The following SLC5A6 variants were observed in gnomAD, a reference collection of about 807,000 sequenced individuals.
SLC5A6 encodes the protein sodium-dependent multivitamin transporter.
SLC5A6 carries 31 observed loss-of-function variants against 67.9 expected under a neutral mutation model. That is an observed-to-expected ratio of 0.46 (90% CI 0.34 to 0.62). The LOEUF is 0.62. SLC5A6 is among the 20% of genes least tolerant of loss of function. The pLI, the probability that SLC5A6 is intolerant of heterozygous loss-of-function variation, is 0.01. For missense variants in SLC5A6, 673 were observed against 812.8 expected (o/e 0.83, Z 2.09); for synonymous variants, 343 against 331.0 (o/e 1.04, Z -0.39).
chr2:27,206,467 CTG>C lies in SLC5A6; in HGVS notation c.511+14_511+15del. On this transcript the variant is annotated intron_variant, in intron 5 of 16. Coordinates refer to ENST00000310574, the MANE Select transcript of SLC5A6 (RefSeq NM_021095.4). ...ACCTACCACGGCTGAAAGCCAGGGG[CTG>C]TGTGACTCCTCACCTGCATTGAGAG... 2 of 1,613,332 alleles carry C rather than the reference CTG, an allele frequency of 1.2e-6. No homozygotes were observed. Among genetic ancestry groups the C allele is most frequent in the Admixed American group, 3.3e-5 (2 of 60,034 alleles).
intron 6 of SLC5A6, among the ~76,000 whole-genome samples, chr2:27,205,740 C>T (rs1432709125): frequency 6.6e-6 from 1 of 152,160 alleles, no homozygotes; most frequent in Non-Finnish European, 1.5e-5. Flanking sequence ...TATTCTCTCC[C>T]TTGGACACTC....
upstream of SLC5A6, chr2:27,212,745 C>G: frequency 1.1e-6 from 1 of 951,374 alleles, no homozygotes; most frequent in Non-Finnish European, 1.4e-6. Flanking sequence ...TCCTCTGCCT[C>G]TTGTGTAATC....
In SLC5A6 at chr2:27,207,163, A is replaced by G; in HGVS notation, c.393+95T>C. On this transcript the variant is annotated intron_variant, in intron 3 of 16. Transcript: ENST00000310574. The surrounding 1 kb of genome is among the most constrained non-coding windows in gnomAD (Gnocchi z 5.5). Reference sequence around the variant, plus strand: ...GTTTTCTGTCCCTCTCATTAGGTGGAGGAGGTCTAGGGTCCCAGGTCCTTC... The same window carrying G: ...GTTTTCTGTCCCTCTCATTAGGTGGGGGAGGTCTAGGGTCCCAGGTCCTTC... 7.6e-7 allele frequency: 1 copy of G among 1,312,758 alleles called. No individual in the cohort carries two copies. Among genetic ancestry groups the G allele is most frequent in the Non-Finnish European group, 1.1e-6 (1 of 929,398 alleles). The allele number at this position is 1,312,758 out of a possible 1,614,324, so 81.3% of individuals were successfully genotyped here.
chr2:27,207,865 T>C lies in SLC5A6; in HGVS notation c.-140-75A>G. The C allele has an allele frequency of 1.7e-6, 1 of 582,806 alleles. No individual in the cohort carries two copies. Among genetic ancestry groups the C allele is most frequent in the South Asian group, 2.2e-5 (1 of 45,640 alleles). The allele number at this position is 582,806 out of a possible 1,614,324, so 36.1% of individuals were successfully genotyped here. A position where few individuals can be genotyped will look rare whatever the true frequency, so the allele number is the denominator to read the frequency against. On this transcript the variant is annotated intron_variant, in intron 2 of 16. Coordinates refer to ENST00000310574, the MANE Select transcript of SLC5A6 (RefSeq NM_021095.4). This position sits in a 1 kb window ranked among gnomAD's most constrained non-coding sequence, Gnocchi z 5.5. ...TCACCCTTGGGCCTTGTACATCGCATGCCATCAGAAGTGGACCAGCCAGCA... is the reference window on the plus strand; with the variant it reads ...TCACCCTTGGGCCTTGTACATCGCACGCCATCAGAAGTGGACCAGCCAGCA...
At position 27,200,348 on chromosome 2, in the gene SLC5A6, A is replaced by G. The variant is rs1673522689; in HGVS notation, c.*88T>C. 3.0e-6 allele frequency: 4 copies of G among 1,350,012 alleles called. No individual in the cohort carries two copies. The highest frequency in any genetic ancestry group is 1.9e-4 in the Middle Eastern group (1 of 5,136). The allele number at this position is 1,350,012 out of a possible 1,614,324, so 83.6% of individuals were successfully genotyped here. A position where few individuals can be genotyped will look rare whatever the true frequency, so the allele number is the denominator to read the frequency against. ...AGATCATCCAGGCCTGTCCCTGCAG[A>G]ACACACCAAGACTCATCCCTGTACT... On this transcript the variant is annotated 3_prime_UTR_variant, in exon 17 of 17. Coordinates refer to ENST00000310574, the MANE Select transcript of SLC5A6 (RefSeq NM_021095.4).
Position 27,203,297 on chromosome 2 carries a change from G to A in SLC5A6, c.1143C>T (p.Asp381=). The A allele has an allele frequency of 1.2e-6, 2 of 1,614,102 alleles. No individual in the cohort carries two copies. Among genetic ancestry groups the A allele is most frequent in the South Asian group, 2.2e-5 (2 of 91,060 alleles). Residue 381 remains aspartate (D), a synonymous_variant, in exon 11 of 17, where the codon GAC becomes GAT. Transcript: ENST00000310574. ...FNSLATVTME[D]LIRPWFPEFS... ...ACTCAGGGAACCAAGGTCGAATCAGGTCTTCCATCGTAACAGTTGCCAATG... is the reference window on the plus strand; with the variant it reads ...ACTCAGGGAACCAAGGTCGAATCAGATCTTCCATCGTAACAGTTGCCAATG...
chr2:27,206,198 T>G (rs1445534497), intron 5 of SLC5A6, 105 bp from the exon 6 acceptor site: 1 of 969,010 alleles, frequency 1.0e-6, no homozygotes, highest in African/African-American at 1.6e-5. Flanking sequence ...CATTGGTCAT[T>G]AACAATGAAA....
intron 11 of SLC5A6, 33 bp downstream of exon 11, chr2:27,203,200 C>G (rs1572386539): frequency 1.9e-6 from 3 of 1,612,908 alleles, no homozygotes; most frequent in Non-Finnish European, 2.5e-6. Context: ...TTAGAAAGAC[C>G]CAGACTGAAG....
chr2:27,210,232 C>T (rs1251375058), intron 2 of SLC5A6, among the ~76,000 whole-genome samples: 2 of 152,148 alleles, frequency 1.3e-5, no homozygotes, highest in Non-Finnish European at 2.9e-5. Flanking sequence ...CCTGAGAGAG[C>T]CCCAGGGAAG....
chr2:27,207,505 C>A lies in SLC5A6; in HGVS notation c.146G>T (p.Arg49Leu). 2.5e-6 allele frequency: 4 copies of A among 1,614,176 alleles called. No individual in the cohort carries two copies. The highest frequency in any genetic ancestry group is 3.4e-6 in the Non-Finnish European group (4 of 1,180,046). Residue 49 changes from arginine to leucine, a missense_variant, in exon 3 of 17, where the codon CGT becomes CTT. Coordinates refer to ENST00000310574, the MANE Select transcript of SLC5A6 (RefSeq NM_021095.4). This position sits in a 1 kb window ranked among gnomAD's most constrained non-coding sequence, Gnocchi z 5.5. Reference protein sequence around the residue: ...SLAIGLYHACRGWGRHTVGEL... With the variant: ...SLAIGLYHACLGWGRHTVGEL... Reference sequence around the variant, plus strand: ...ACCAACAGTATGCCGGCCCCAGCCACGACAAGCATGGTAGAGCCCAATGGC... The same window carrying A: ...ACCAACAGTATGCCGGCCCCAGCCAAGACAAGCATGGTAGAGCCCAATGGC...
upstream of SLC5A6, chr2:27,212,671 G>A: frequency 1.5e-6 from 2 of 1,376,210 alleles, no homozygotes; most frequent in South Asian, 3.4e-5. Context: ...GACTTTCAAA[G>A]ACCTGTGAAA....
chr2:27,211,319 G>A (rs906554857), intron 2 of SLC5A6, 148 bp downstream of exon 2: 1 of 152,224 alleles, frequency 6.6e-6, no homozygotes, highest in Admixed American at 6.5e-5. Context: ...GGGAAGCCTG[G>A]CTCGGCTACT....
chr2:27,200,273 C>T lies in SLC5A6; in HGVS notation c.*163G>A, dbSNP rs140531837. 1 of 578,018 alleles carries T rather than the reference C, an allele frequency of 1.7e-6. No homozygotes were observed. Among genetic ancestry groups the T allele is most frequent in the Non-Finnish European group, 2.8e-6 (1 of 355,104 alleles). 35.8% of individuals were successfully genotyped at this position (578,018 alleles called of 1,614,324 possible). A position where few individuals can be genotyped will look rare whatever the true frequency, so the allele number is the denominator to read the frequency against. On this transcript the variant is annotated 3_prime_UTR_variant, in exon 17 of 17. Coordinates refer to ENST00000310574, the MANE Select transcript of SLC5A6 (RefSeq NM_021095.4). ...GCCTCACATGCTTGAGATGTGACAGCTTCTCCTGCAGGCAAGAACCTCTCA... is the reference window on the plus strand; with the variant it reads ...GCCTCACATGCTTGAGATGTGACAGTTTCTCCTGCAGGCAAGAACCTCTCA...
At chr2:27,206,972 C>T in intron 3 of SLC5A6, 30 bp from the exon 4 acceptor site, 1 of 1,559,450 alleles carries the variant, frequency 6.4e-7, no homozygotes, top group Non-Finnish European at 8.8e-7. Context: ...GATTTTTCTC[C>T]TGACTTCACC....
Position 27,205,370 on chromosome 2 carries a change from G to A in SLC5A6, c.714C>T (p.His238=), listed in dbSNP as rs116531030. Residue 238 remains histidine, a synonymous_variant, in exon 7 of 17, where the codon CAC becomes CAT. Coordinates refer to ENST00000310574, the MANE Select transcript of SLC5A6 (RefSeq NM_021095.4). ...CTTACTCAAACCCAGAGATGCGGCC[G>A]TGCTGGGAAGCCACGGCCCACACAC... is the stretch of plus-strand genomic sequence containing the variant. The part of the protein sequence containing the change: ...LGRVWAVASQ[H]GRISGFELDP... 2.4e-3 allele frequency: 3,819 copies of A among 1,614,072 alleles called. 84 individuals carry two copies. In the African/African-American group the frequency reaches 0.043, roughly 18 times the overall value.
chr2:27,201,347 T>C lies in SLC5A6; in HGVS notation c.1648+3A>G. 1 of 1,590,260 alleles carries C rather than the reference T, an allele frequency of 6.3e-7. No individual in the cohort carries two copies. The highest frequency in any genetic ancestry group is 8.6e-7 in the Non-Finnish European group (1 of 1,158,328). On this transcript the variant is annotated splice_donor_region_variant and intron_variant, in intron 15 of 16. Transcript: ENST00000310574. The stretch of plus-strand genomic sequence containing the variant: ...CATCTGCACCGCAATCCCACACCCT[T>C]ACCAGTGAGTAGACTGACAATCAGG...
At position 27,200,181 on chromosome 2, in the gene SLC5A6, G is replaced by A; in HGVS notation, c.*255C>T. 1 of 372,138 alleles carries A rather than the reference G, an allele frequency of 2.7e-6. No individual in the cohort carries two copies. The highest frequency in any genetic ancestry group is 4.8e-6 in the Non-Finnish European group (1 of 207,278). The allele number at this position is 372,138 out of a possible 1,614,324, so 23.1% of individuals were successfully genotyped here. ...GGATGCACTTCCATCCCTATTTCTG[G>A]CATGATCCTGCTCCCTACGAGCCTG... On this transcript the variant is annotated 3_prime_UTR_variant, in exon 17 of 17. Transcript: ENST00000310574.
intron 5 of SLC5A6, 39 bp downstream of exon 5, chr2:27,206,444 C>T: frequency 1.2e-6 from 2 of 1,603,498 alleles, no homozygotes; most frequent in Non-Finnish European, 1.7e-6. Context: ...CTTTCCTAAC[C>T]TACCACGGCT....
intron 12 of SLC5A6, 70 bp from the exon 13 acceptor site, chr2:27,202,144 C>T: frequency 2.8e-6 from 3 of 1,075,714 alleles, no homozygotes; most frequent in Admixed American, 1.8e-5. Flanking sequence ...CACCATAAAG[C>T]ATAGCCACCA....
Sources: gnomAD v4.1 joint callset for allele counts (sites outside exome capture counted in the v4.1 genomes callset) on GRCh38, gnomAD v4.1.1 for gene constraint, Gnocchi (gnomAD v3.1) non-coding constraint, MANE v1.5 for transcripts, NCBI Gene and HGNC (gene_info 2026-07-23, HGNC 2026-07-21) for gene names.